SV2C: variants seen among roughly 807,000 people sequenced by gnomAD.
SV2C encodes the protein solute carrier family 22 member B3.
In SV2C, 49 loss-of-function variants were observed where a neutral mutation model predicts 79.7. The ratio of observed to expected loss-of-function variants is 0.61; its 90% CI spans 0.49 to 0.78. The LOEUF (loss-of-function observed/expected upper bound fraction) is 0.78. Ranked by LOEUF, SV2C falls within the 30% of genes least tolerant of loss-of-function variation. The pLI is 0.00. For missense variants in SV2C, 833 were observed against 912.9 expected, an observed-to-expected ratio of 0.91 and a Z score of 1.13; for synonymous variants, 334 against 333.2, an observed-to-expected ratio of 1.00 and a Z score of -0.03.
chr5:76,071,986 A>T, the SV2C span, among the ~76,000 whole-genome samples: 1 of 152,230 alleles, frequency 6.6e-6, no homozygotes, highest in Non-Finnish European at 1.5e-5. Flanking sequence ...AGGATCCACA[A>T]CACTTGCTCC....
intron 2 of SV2C, among the ~76,000 whole-genome samples, chr5:76,163,181 CA>C (rs142745588): frequency 0.012 from 1,873 of 152,054 alleles, 36 homozygotes; most frequent in African/African-American, 0.042. Flanking sequence ...TCTTTGAGGT[CA>C]TTTTCTTTTT....
At chr5:75,872,848 A>C in the SV2C span, among the ~76,000 whole-genome samples, 6 of 152,134 alleles carry the variant, frequency 3.9e-5, no homozygotes, top group Non-Finnish European at 2.9e-5. Context: ...AACATGGCAC[A>C]TGTATACATA....
intron 3 of SV2C, among the ~76,000 whole-genome samples, chr5:76,206,493 A>T (rs1744612755): frequency 6.6e-6 from 1 of 152,192 alleles, no homozygotes; most frequent in South Asian, 2.1e-4. Context: ...TGCTGTCAAA[A>T]CTTTCAGTCT....
intron 4 of SV2C, among the ~76,000 whole-genome samples, chr5:76,219,984 A>C (rs2112374847): frequency 6.6e-6 from 1 of 152,334 alleles, no homozygotes. Context: ...AATGGGCTTT[A>C]AAATATGGCG....
intron 2 of SV2C, among the ~76,000 whole-genome samples, chr5:76,174,933 G>C (rs960452900): frequency 6.6e-6 from 1 of 152,218 alleles, no homozygotes; most frequent in African/African-American, 2.4e-5. Context: ...TGCTGTGAAT[G>C]TTAAAGTCTC....
At chr5:75,954,018 T>A in the SV2C span, among the ~76,000 whole-genome samples, 1 of 151,970 alleles carries the variant, frequency 6.6e-6, no homozygotes, top group Non-Finnish European at 1.5e-5. Context: ...CAGGATAGGA[T>A]TCTGTAATTG....
In SV2C at chr5:76,181,837, C is replaced by T. The variant is rs552754456; in HGVS notation, c.581-13082C>T. Among the ~76,000 whole-genome samples the T allele has an allele frequency of 1.8e-4, 27 of 152,302 alleles. No homozygotes were observed. The South Asian group carries it at 4.4e-3, about 25-fold the overall frequency. On this transcript the variant is annotated intron_variant, in intron 2 of 12. Transcript: ENST00000502798. ...TGCTTTCCTTCCCCACGCAGGAACCCATAAGTGACTCCTCATTGTCTGTAT... is the reference window on the plus strand; with the variant it reads ...TGCTTTCCTTCCCCACGCAGGAACCTATAAGTGACTCCTCATTGTCTGTAT...
chr5:75,972,232 A>T, the SV2C span, among the ~76,000 whole-genome samples: 1 of 152,100 alleles, frequency 6.6e-6, no homozygotes, highest in African/African-American at 2.4e-5. Context: ...CCTAGAAGAA[A>T]ACCTAGGCAA....
intron 4 of SV2C, among the ~76,000 whole-genome samples, chr5:76,246,465 CT>C (rs1466979185): frequency 6.6e-6 from 1 of 152,138 alleles, no homozygotes; most frequent in Non-Finnish European, 1.5e-5. Flanking sequence ...TGCTGAAGAC[CT>C]AACTCTGACA....
At chr5:76,146,389 C>G (rs755913876) in intron 2 of SV2C, among the ~76,000 whole-genome samples, 2 of 152,162 alleles carry the variant, frequency 1.3e-5, no homozygotes, top group Non-Finnish European at 1.5e-5. Flanking sequence ...TGGTGATATG[C>G]TAAACAAGGG....
the SV2C span, among the ~76,000 whole-genome samples, chr5:76,051,611 A>T: frequency 2.6e-5 from 4 of 152,238 alleles, no homozygotes; most frequent in East Asian, 5.8e-4. Flanking sequence ...AATAATGTTA[A>T]GTGAGAGGAG....
chr5:76,242,147 C>T lies in SV2C; in HGVS notation c.913+32260C>T, dbSNP rs955003869. ...TTCCCTTTTTCCCTTTGGGTACCTT[C>T]TCTCCCTTCTTTGCAGGGGCCTTTT... On this transcript the variant is annotated intron_variant, in intron 4 of 12. Transcript: ENST00000502798. 6 of 1,340,094 alleles carry T rather than the reference C, an allele frequency of 4.5e-6. No homozygotes were observed. The African/African-American group carries it at 7.0e-5, about 16-fold the overall frequency. 83.0% of individuals were successfully genotyped at this position (1,340,094 alleles called of 1,614,324 possible).
the SV2C span, among the ~76,000 whole-genome samples, chr5:75,962,271 A>G: frequency 6.6e-6 from 1 of 152,098 alleles, no homozygotes; most frequent in Non-Finnish European, 1.5e-5. Context: ...ATATGCAGCT[A>G]TCTCTACAGC....
Position 76,219,710 on chromosome 5 carries a change from C to T in SV2C, c.913+9823C>T, listed in dbSNP as rs569871081. The stretch of plus-strand genomic sequence containing the variant: ...CACAGACCCAAAAGACGTCTATTTA[C>T]TTTCTTGAGAGATTGAGAGTTCTGG... On this transcript the variant is annotated intron_variant, in intron 4 of 12. Transcript: ENST00000502798. Among the ~76,000 whole-genome samples the T allele has an allele frequency of 2.8e-3, 429 of 152,272 alleles. 4 individuals carry two copies. The highest frequency in any genetic ancestry group is 4.6e-3 in the Non-Finnish European group (315 of 68,022).
At chr5:76,267,424 G>A (rs1746699644) in intron 4 of SV2C, among the ~76,000 whole-genome samples, 4 of 152,144 alleles carry the variant, frequency 2.6e-5, no homozygotes, top group Admixed American at 2.0e-4. Flanking sequence ...AGTACAATAT[G>A]ATGATTTTTT....
the SV2C span, among the ~76,000 whole-genome samples, chr5:76,025,815 G>T: frequency 1.3e-5 from 2 of 152,180 alleles, no homozygotes; most frequent in Non-Finnish European, 2.9e-5. Flanking sequence ...GGGGAAGGCA[G>T]TCAAAGCATT....
At chr5:76,190,442 G>C (rs568618341) in intron 2 of SV2C, among the ~76,000 whole-genome samples, 1 of 152,122 alleles carries the variant, frequency 6.6e-6, no homozygotes, top group Admixed American at 6.6e-5. Context: ...GAAGACTTTG[G>C]GTAAGTTGAC....
At chr5:76,030,276 T>TA in the SV2C span, among the ~76,000 whole-genome samples, 141 of 112,198 alleles carry the variant, frequency 1.3e-3, 4 homozygotes, top group African/African-American at 5.3e-3. Flanking sequence ...GTTTTTTTTT[T>TA]TTTTTTTTTT....
chr5:75,956,102 TTTA>T, the SV2C span, among the ~76,000 whole-genome samples: 1 of 142,474 alleles, frequency 7.0e-6, no homozygotes, highest in Non-Finnish European at 1.5e-5. Flanking sequence ...CACACGTATG[TTTA>T]TTGCGGCATT....
Sources: allele counts gnomAD v4.1 joint callset (sites outside exome capture counted in the v4.1 genomes callset), GRCh38; gene constraint gnomAD v4.1.1; transcripts MANE v1.5; gene names NCBI Gene and HGNC (gene_info 2026-07-23, HGNC 2026-07-21).